Variants in GRM1 observed in about 807,000 individuals in gnomAD.
GRM1 encodes metabotropic glutamate receptor 1.
A neutral mutation model predicts 90.9 loss-of-function variants in GRM1; 33 were observed. The ratio of observed to expected loss-of-function variants is 0.36; its 90% CI spans 0.28 to 0.49. The LOEUF (loss-of-function observed/expected upper bound fraction) is 0.49, where lower values mean the gene tolerates loss of function less well. GRM1 is among the 20% of genes least tolerant of loss of function. The probability of loss-of-function intolerance (pLI) is 0.99; values close to 1 mark genes in which losing one functional copy is unlikely to be tolerated. For missense variants in GRM1, 1,190 were observed against 1,534.3 expected (o/e 0.78, Z 3.75); for synonymous variants, 700 against 613.2 (o/e 1.14, Z -2.09).
chr6:146,127,261 A>G (rs373788506), intron 1 of GRM1, among the ~76,000 whole-genome samples: 17 of 152,218 alleles, frequency 1.1e-4, no homozygotes, highest in African/African-American at 4.1e-4. Context: ...TCCTGCAGCC[A>G]AGAGTAAGAG....
intron 2 of GRM1, among the ~76,000 whole-genome samples, chr6:146,279,499 TA>T (rs1782492625): frequency 6.6e-6 from 1 of 152,202 alleles, no homozygotes; most frequent in Non-Finnish European, 1.5e-5. Context: ...TAAATTTGAA[TA>T]GACTGTGTTT....
At chr6:146,086,810 A>G (rs756644873) in intron 1 of GRM1, among the ~76,000 whole-genome samples, 10 of 152,028 alleles carry the variant, frequency 6.6e-5, no homozygotes, top group Non-Finnish European at 1.5e-4. Context: ...TTAGCCAGGG[A>G]TAGTAGTCAT....
At chr6:146,194,154 T>C (rs1370201743) in intron 2 of GRM1, among the ~76,000 whole-genome samples, 1 of 152,204 alleles carries the variant, frequency 6.6e-6, no homozygotes, top group African/African-American at 2.4e-5. Context: ...CATTTTCATA[T>C]TGATATTGGC....
chr6:146,398,409 A>C (rs1166288428), intron 6 of GRM1, among the ~76,000 whole-genome samples: 1 of 152,206 alleles, frequency 6.6e-6, no homozygotes, highest in Non-Finnish European at 1.5e-5. Context: ...CATTATCACC[A>C]TTTAACCCTC....
At chr6:146,229,390 C>T (rs1780368140) in intron 2 of GRM1, among the ~76,000 whole-genome samples, 1 of 149,544 alleles carries the variant, frequency 6.7e-6, no homozygotes, top group Non-Finnish European at 1.5e-5. Flanking sequence ...CATACTAGAT[C>T]AGTGATTTTT....
chr6:146,225,777 T>C (rs528262237), intron 2 of GRM1, among the ~76,000 whole-genome samples: 6 of 152,234 alleles, frequency 3.9e-5, no homozygotes, highest in African/African-American at 1.4e-4. Flanking sequence ...TGTATGTTCA[T>C]CAAAATAATA....
intron 1 of GRM1, among the ~76,000 whole-genome samples, chr6:146,055,642 T>C (rs1175419797): frequency 1.3e-5 from 2 of 152,104 alleles, no homozygotes; most frequent in African/African-American, 4.8e-5. Context: ...TGGGGAGGTG[T>C]GCTTCTTTTC....
intron 2 of GRM1, among the ~76,000 whole-genome samples, chr6:146,243,395 T>C (rs1036862275): frequency 2.1e-4 from 32 of 152,100 alleles, no homozygotes; most frequent in African/African-American, 7.7e-4. Flanking sequence ...AGTAACAGAA[T>C]CCTATCTCTG....
intron 1 of GRM1, among the ~76,000 whole-genome samples, chr6:146,104,940 G>C (rs1005129462): frequency 6.6e-6 from 1 of 152,180 alleles, no homozygotes; most frequent in Admixed American, 6.5e-5. Flanking sequence ...ATGGGTCTTT[G>C]TAAGGAGAGA....
At chr6:146,336,749 C>T (rs1276156941) in intron 3 of GRM1, among the ~76,000 whole-genome samples, 1 of 152,202 alleles carries the variant, frequency 6.6e-6, no homozygotes, top group African/African-American at 2.4e-5. Flanking sequence ...TGATTTGATG[C>T]CAAGACACAG....
chr6:146,163,876 C>T (rs573008403), intron 2 of GRM1, among the ~76,000 whole-genome samples: 1 of 152,154 alleles, frequency 6.6e-6, no homozygotes, highest in African/African-American at 2.4e-5. Context: ...AATTCATTAA[C>T]GGATAACTCA....
rs184153203 is a variant in GRM1, at chr6:146,384,536, A to C, written c.1603-2354A>C. On this transcript the variant is annotated intron_variant, in intron 5 of 7. Transcript: ENST00000282753. ...TTAACTGCATGCTCAAACAAAGTCC[A>C]ACACTCATTTTAAAAAGGAAGAAAA... 2.0e-5 allele frequency among the ~76,000 whole-genome samples: 3 copies of C among 152,238 alleles called. No homozygotes were observed. The East Asian group carries it at 5.8e-4, about 29-fold the overall frequency.
chr6:146,060,519 C>T (rs1775627466), intron 1 of GRM1, among the ~76,000 whole-genome samples: 1 of 152,096 alleles, frequency 6.6e-6, no homozygotes, highest in Admixed American at 6.6e-5. Flanking sequence ...TCTGTTCCTA[C>T]ATTAGCTCAC....
chr6:146,205,474 G>A (rs1246240966), intron 2 of GRM1, among the ~76,000 whole-genome samples: 3 of 152,100 alleles, frequency 2.0e-5, no homozygotes, highest in East Asian at 1.9e-4. Context: ...GTGGATATTC[G>A]AAAGGGTAAA....
intron 2 of GRM1, among the ~76,000 whole-genome samples, chr6:146,201,687 C>T (rs1779302697): frequency 6.6e-6 from 1 of 152,222 alleles, no homozygotes; most frequent in Non-Finnish European, 1.5e-5. Context: ...CGCAAACATT[C>T]AGTCCATATC....
At chr6:146,276,251 T>C (rs947379523) in intron 2 of GRM1, among the ~76,000 whole-genome samples, 2 of 152,168 alleles carry the variant, frequency 1.3e-5, no homozygotes, top group African/African-American at 4.8e-5. Flanking sequence ...GGATTCTAAT[T>C]CTTCATTCAT....
At chr6:146,340,474 G>C (rs1224632036) in intron 3 of GRM1, 3 of 152,378 alleles carry the variant, frequency 2.0e-5, no homozygotes. Context: ...TCAGAAGCTA[G>C]ACAGAGTCAG....
intron 5 of GRM1, among the ~76,000 whole-genome samples, chr6:146,365,864 G>A (rs1354843075): frequency 6.6e-6 from 1 of 152,202 alleles, no homozygotes; most frequent in Non-Finnish European, 1.5e-5. Flanking sequence ...CAGACTTCAA[G>A]GAGGCGGTCA....
intron 3 of GRM1, among the ~76,000 whole-genome samples, chr6:146,336,294 T>C (rs1458290242): frequency 1.3e-5 from 2 of 152,096 alleles, no homozygotes; most frequent in Non-Finnish European, 2.9e-5. Context: ...TTGCTAATGA[T>C]TTGTTGAGGC....
Sources: gnomAD v4.1 joint callset for allele counts (sites outside exome capture counted in the v4.1 genomes callset) on GRCh38, gnomAD v4.1.1 for gene constraint, MANE v1.5 for transcripts, NCBI Gene and HGNC (gene_info 2026-07-23, HGNC 2026-07-21) for gene names.